Variants in HECW1 observed in about 807,000 individuals in gnomAD.
The protein encoded by HECW1 is E3 ubiquitin-protein ligase HECW1.
In HECW1, 61 loss-of-function variants were observed where a neutral mutation model predicts 182.3. That is an observed-to-expected ratio of 0.33 (90% CI 0.27 to 0.41). HECW1 has a LOEUF of 0.41. HECW1 is among the 10% of genes least tolerant of loss of function. The pLI, the probability that HECW1 is intolerant of heterozygous loss-of-function variation, is 1.00. For missense variants in HECW1, 1,739 were observed against 2,108.9 expected, an observed-to-expected ratio of 0.82 and a Z score of 3.44; for synonymous variants, 859 against 832.6, an observed-to-expected ratio of 1.03 and a Z score of -0.55.
At chr7:43,233,540 G>A (rs1798059116) in intron 2 of HECW1, among the ~76,000 whole-genome samples, 1 of 152,162 alleles carries the variant, frequency 6.6e-6, no homozygotes, top group African/African-American at 2.4e-5. Context: ...TTTCCTGGAT[G>A]CCTCTCCTTC....
At chr7:43,235,710 G>A (rs1313118430) in intron 2 of HECW1, among the ~76,000 whole-genome samples, 2 of 152,088 alleles carry the variant, frequency 1.3e-5, no homozygotes, top group African/African-American at 4.8e-5. Context: ...TTTATGTTCT[G>A]GAGGATGGCC....
At chr7:43,419,313 T>C (rs1198176819) in intron 8 of HECW1, among the ~76,000 whole-genome samples, 1 of 152,232 alleles carries the variant, frequency 6.6e-6, no homozygotes, top group Non-Finnish European at 1.5e-5. Flanking sequence ...CCGTCTCTTG[T>C]TGCAGTGAAC....
At chr7:43,228,636 A>C (rs528551830) in intron 2 of HECW1, among the ~76,000 whole-genome samples, 1 of 152,344 alleles carries the variant, frequency 6.6e-6, no homozygotes, top group East Asian at 1.9e-4. Context: ...AGCTATGCTC[A>C]TTCAGGCCAT....
intron 17 of HECW1, 58 bp downstream of exon 17, chr7:43,479,802 T>G: frequency 1.2e-6 from 2 of 1,600,182 alleles, no homozygotes; most frequent in Non-Finnish European, 1.7e-6. Context: ...GCCTCTTCCA[T>G]GGGAGCAGAA....
At chr7:43,368,334 A>C (rs1437781776) in intron 6 of HECW1, among the ~76,000 whole-genome samples, 1 of 152,236 alleles carries the variant, frequency 6.6e-6, no homozygotes, top group Non-Finnish European at 1.5e-5. Flanking sequence ...AAATGTGCAC[A>C]CACCACAGCC....
At chr7:43,466,371 C>G in intron 14 of HECW1, 76 bp from the exon 15 acceptor site, 2 of 1,491,206 alleles carry the variant, frequency 1.3e-6, no homozygotes, top group Non-Finnish European at 1.8e-6. Flanking sequence ...TGTGCTGCCA[C>G]TGTCAGGAGC....
intron 21 of HECW1, among the ~76,000 whole-genome samples, chr7:43,502,838 T>G (rs1048510678): frequency 5.3e-5 from 8 of 152,168 alleles, no homozygotes; most frequent in Non-Finnish European, 7.3e-5. Context: ...GTTTGAAACA[T>G]GTAGGAACAT....
At chr7:43,360,829 C>A in intron 5 of HECW1, 57 bp from the exon 6 acceptor site, 2 of 1,272,472 alleles carry the variant, frequency 1.6e-6, no homozygotes, top group Non-Finnish European at 2.3e-6. Flanking sequence ...GTGGCCATAG[C>A]TGTCTCTCCC....
chr7:43,235,134 A>T (rs1798209400), intron 2 of HECW1, among the ~76,000 whole-genome samples: 1 of 152,174 alleles, frequency 6.6e-6, no homozygotes, highest in Non-Finnish European at 1.5e-5. Context: ...CTCCCCTGGA[A>T]CTGGCAGAGC....
intron 7 of HECW1, among the ~76,000 whole-genome samples, chr7:43,398,421 T>C (rs1045135908): frequency 3.3e-5 from 5 of 152,082 alleles, no homozygotes; most frequent in African/African-American, 1.2e-4. Flanking sequence ...TTGAGCACAG[T>C]TGGAAAACTA....
chr7:43,510,676 C>G (rs1310105773), intron 24 of HECW1, among the ~76,000 whole-genome samples: 1 of 152,158 alleles, frequency 6.6e-6, no homozygotes. Flanking sequence ...AAAAATATCG[C>G]ACTCTGTCCA....
chr7:43,117,038 A>G (rs1785109087), intron 2 of HECW1, among the ~76,000 whole-genome samples: 1 of 152,212 alleles, frequency 6.6e-6, no homozygotes, highest in Non-Finnish European at 1.5e-5. Flanking sequence ...CCTTCTGTTA[A>G]AACTATTCTT....
chr7:43,137,111 T>A (rs1357958361), intron 2 of HECW1, among the ~76,000 whole-genome samples: 1 of 152,168 alleles, frequency 6.6e-6, no homozygotes, highest in Non-Finnish European at 1.5e-5. Context: ...AGAATTCCAC[T>A]TTCCCTCCTT....
At chr7:43,310,925 G>T (rs1187953067) in intron 3 of HECW1, among the ~76,000 whole-genome samples, 1 of 152,146 alleles carries the variant, frequency 6.6e-6, no homozygotes, top group Admixed American at 6.5e-5. Flanking sequence ...ATACTTTGAT[G>T]AAGTCAGAAT....
chr7:43,394,223 A>G (rs1437053627), intron 6 of HECW1, among the ~76,000 whole-genome samples: 1 of 152,202 alleles, frequency 6.6e-6, no homozygotes, highest in Non-Finnish European at 1.5e-5. Context: ...AGGACTGGCC[A>G]CCTTCAGAGT....
chr7:43,267,297 T>A (rs1480791838), intron 3 of HECW1, among the ~76,000 whole-genome samples: 1 of 152,146 alleles, frequency 6.6e-6, no homozygotes, highest in East Asian at 1.9e-4. Context: ...CCGATCACAA[T>A]ACAATTAGAC....
intron 6 of HECW1, among the ~76,000 whole-genome samples, chr7:43,392,346 T>C (rs2075064115): frequency 6.6e-6 from 1 of 152,184 alleles, no homozygotes; most frequent in South Asian, 2.1e-4. Flanking sequence ...CACACTCCTA[T>C]TGGAAATGCC....
intron 24 of HECW1, among the ~76,000 whole-genome samples, chr7:43,513,691 T>C (rs1432760842): frequency 3.3e-5 from 5 of 152,156 alleles, no homozygotes; most frequent in Non-Finnish European, 7.4e-5. Flanking sequence ...GGTTTTTTTT[T>C]GTTTTTTGCT....
At position 43,442,584 on chromosome 7, in the gene HECW1, G is replaced by A. The variant is rs1274968367; in HGVS notation, c.1000G>A (p.Gly334Arg). ...CAGGCTTCCAACAGATCATGTGAGT[G>A]GACAGCTGCAATTCCGATTTGAGAT... ...GRRLPTDHVSGQLQFRFEITS... is the reference protein window; with the variant it reads ...GRRLPTDHVSRQLQFRFEITS... Residue 334 changes from glycine to arginine, a missense_variant, in exon 10 of 30, where the codon GGA becomes AGA. Around this residue, in one of 5 missense-constraint regions of HECW1, gnomAD observed 66 missense variants for 113.8 expected, o/e 0.58. Transcript: ENST00000395891. 6.2e-7 allele frequency: 1 copy of A among 1,613,920 alleles called. No homozygotes were observed.
Sources: gnomAD v4.1 joint callset for allele counts (sites outside exome capture counted in the v4.1 genomes callset) on GRCh38, gnomAD v4.1.1 for gene constraint, gnomAD v4.1.1 regional missense constraint, MANE v1.5 for transcripts, NCBI Gene and HGNC (gene_info 2026-07-23, HGNC 2026-07-21) for gene names.